CRYBA2: variants seen among roughly 807,000 people sequenced by gnomAD.
CRYBA2 encodes beta-crystallin A2.
Under a neutral mutation model 18.5 loss-of-function variants are expected in CRYBA2, and 17 were observed. The observed-to-expected ratio is 0.92, with a 90% confidence interval of 0.63 to 1.38. The LOEUF is 1.38. Ranked by LOEUF, CRYBA2 falls within the 40% of genes most tolerant of loss-of-function variation. CRYBA2 has a pLI of 0.00. For synonymous variants in CRYBA2, 101 were observed against 106.2 expected (o/e 0.95, Z 0.30); for missense variants, 271 against 265.0 (o/e 1.02, Z -0.16).
At position 218,992,097 on chromosome 2, in the gene CRYBA2, C is replaced by T. The variant is rs1304263388; in HGVS notation, c.303+5G>A. 3 of 1,610,536 alleles carry T rather than the reference C, an allele frequency of 1.9e-6. No individual in the cohort carries two copies. The highest frequency in any genetic ancestry group is 1.7e-6 in the Non-Finnish European group (2 of 1,178,458). On this transcript the variant is annotated splice_donor_5th_base_variant and intron_variant, in intron 2 of 3. Transcript: ENST00000295728. ...GGCAGGGGAGGAGAAGTGGGCTGTGCTCACCGCGCAGAGCACTGGCCGGAA... is the reference window on the plus strand; with the variant it reads ...GGCAGGGGAGGAGAAGTGGGCTGTGTTCACCGCGCAGAGCACTGGCCGGAA...
rs781162289 is a variant in CRYBA2 at position 218,990,314 on chromosome 2, C to T, written c.532G>A (p.Gly178Ser). The change falls in exon 4 of 4, where the codon GGT becomes AGT. Residue 178 changes from glycine (G) to serine (S), a missense_variant. Transcript: ENST00000295728. ...GTGTGGGCCTGTGTGCCGAGCTCAC[C>T]GTAAGTACAGAACTCTCCGCTGTGC... ...DRHSGEFCTYGELGTQAHTGQ... is the reference protein window; with the variant it reads ...DRHSGEFCTYSELGTQAHTGQ... 23 of 1,614,034 alleles carry T rather than the reference C, an allele frequency of 1.4e-5. No individual in the cohort carries two copies. Among genetic ancestry groups the T allele is most frequent in the Middle Eastern group, 1.6e-4 (1 of 6,082 alleles).
At position 218,990,861 on chromosome 2, in the gene CRYBA2, C is replaced by G. The variant is rs1945488645; in HGVS notation, c.437G>C (p.Ser146Thr). Residue 146 changes from serine (S) to threonine (T), a missense_variant, in exon 3 of 4, where the codon AGC becomes ACC. Transcript: ENST00000295728. Reference protein sequence around the residue: ...ASKDVGSLKVSSGAWVAYQYP... With the variant: ...ASKDVGSLKVTSGAWVAYQYP... ...CAGTTCCAGGACTCACGCTCCGGAG[C>G]TGACTTTGAGGGAACCCACATCCTT... 6.2e-7 allele frequency: 1 copy of G among 1,613,582 alleles called. No homozygotes were observed. The highest frequency in any genetic ancestry group is 1.3e-5 in the African/African-American group (1 of 74,918).
chr2:218,991,828 G>T (rs1945500581), intron 2 of CRYBA2: 2 of 448,120 alleles, frequency 4.5e-6, no homozygotes, highest in South Asian at 6.8e-5. Context: ...TCACTCACAC[G>T]TGTGGACGAT....
At position 218,992,250 on chromosome 2, in the gene CRYBA2, AAG is replaced by A. The variant is rs1945506695; in HGVS notation, c.162-9_162-8del. 6.2e-7 allele frequency: 1 copy of A among 1,612,738 alleles called. No homozygotes were observed. The highest frequency in any genetic ancestry group is 1.3e-5 in the African/African-American group (1 of 74,930). On this transcript the variant is annotated splice_region_variant and splice_polypyrimidine_tract_variant and intron_variant, in intron 1 of 3. Coordinates refer to ENST00000295728, the MANE Select transcript of CRYBA2 (RefSeq NM_057093.2). ...GTACTCAAAGGCCACCCAACTGGAA[AAG>A]GAGAAGAGCTGGGAGGTATCTGCCC...
chr2:218,990,833 T>TA lies in CRYBA2; in HGVS notation c.446+18_446+19insT, dbSNP rs780475316. 1 of 1,610,566 alleles carries TA rather than the reference T, an allele frequency of 6.2e-7. No homozygotes were observed. Among genetic ancestry groups the TA allele is most frequent in the Admixed American group, 1.7e-5 (1 of 59,912 alleles). On this transcript the variant is annotated intron_variant, in intron 3 of 3. Coordinates refer to ENST00000295728, the MANE Select transcript of CRYBA2 (RefSeq NM_057093.2). ...CCTCCCTGCTCTTCTGTCTCCCTGG[T>TA]TCCAGTTCCAGGACTCACGCTCCGG...
At position 218,991,275 on chromosome 2, in the gene CRYBA2, T is replaced by C. The variant is rs114650428; in HGVS notation, c.304-281A>G. 5.5e-3 allele frequency: 1,795 copies of C among 328,270 alleles called. 25 individuals are homozygous for C. Among genetic ancestry groups the C allele is most frequent in the African/African-American group, 0.033 (1,552 of 47,506 alleles). The allele number at this position is 328,270 out of a possible 1,614,324, so 20.3% of individuals were successfully genotyped here. A position where few individuals can be genotyped will look rare whatever the true frequency, so the allele number is the denominator to read the frequency against. ...TTTCAGGTCAGGACTAGAGAGCATC[T>C]TGTGACATGGGCCCATTTTGCAGGA... is the stretch of plus-strand genomic sequence containing the variant. On this transcript the variant is annotated intron_variant, in intron 2 of 3. Transcript: ENST00000295728.
intron 2 of CRYBA2, 199 bp from the exon 3 acceptor site, chr2:218,991,193 C>G: frequency 1.5e-6 from 1 of 669,014 alleles, no homozygotes; most frequent in Non-Finnish European, 2.4e-6. Context: ...CCGAACCTGG[C>G]CCCTCCCATG....
At position 218,990,972 on chromosome 2, in the gene CRYBA2, G is replaced by A. The variant is rs41272691; in HGVS notation, c.326C>T (p.Thr109Ile). Reference sequence around the variant, plus strand: ...TTGGAAGTTGTCCCCCTCAAACAGTGTCACACGGCTGTCATTGTGGTTCTG... The same window carrying A: ...TTGGAAGTTGTCCCCCTCAAACAGTATCACACGGCTGTCATTGTGGTTCTG... ...LCANHNDSRV[T>I]LFEGDNFQGC... Residue 109 changes from threonine (T) to isoleucine (I), a missense_variant, in exon 3 of 4, where the codon ACA (threonine) becomes ATA (isoleucine). Physicochemically the swap from Thr to Ile is moderately conservative, Grantham distance 89 (BLOSUM62 -1). Coordinates refer to ENST00000295728, the MANE Select transcript of CRYBA2 (RefSeq NM_057093.2). 20 of 1,614,052 alleles carry A rather than the reference G, an allele frequency of 1.2e-5. No individual in the cohort carries two copies. Among genetic ancestry groups the A allele is most frequent in the African/African-American group, 1.1e-4 (8 of 74,922 alleles).
At chr2:218,990,448 C>T in intron 3 of CRYBA2, 49 bp from the exon 4 acceptor site, 1 of 1,601,050 alleles carries the variant, frequency 6.2e-7, no homozygotes, top group Non-Finnish European at 8.5e-7. Context: ...GCCCCCACCC[C>T]CACCCTATGT....
chr2:218,993,393 A>G lies in CRYBA2; in HGVS notation c.-217T>C. 1.8e-6 allele frequency: 1 copy of G among 545,964 alleles called. No individual in the cohort carries two copies. The highest frequency in any genetic ancestry group is 2.5e-5 in the South Asian group (1 of 39,520). 33.8% of individuals were successfully genotyped at this position (545,964 alleles called of 1,614,324 possible). On this transcript the variant is annotated 5_prime_UTR_variant, in exon 1 of 4. Coordinates refer to ENST00000295728, the MANE Select transcript of CRYBA2 (RefSeq NM_057093.2). This position sits in a 1 kb window ranked among gnomAD's most constrained non-coding sequence, Gnocchi z 7.7. ...CATTCACCGGGTGGGTGAGCGCGGC[A>G]CGCGAGGGAAATGGACCGGCTGCGA... is the stretch of plus-strand genomic sequence containing the variant.
chr2:218,991,798 C>T, intron 2 of CRYBA2: 1 of 387,582 alleles, frequency 2.6e-6, no homozygotes. Flanking sequence ...CCTCACATGG[C>T]TGTGTGACGA....
At chr2:218,992,920 C>T in intron 1 of CRYBA2, 96 bp downstream of exon 1, 1 of 1,013,576 alleles carries the variant, frequency 9.9e-7, no homozygotes, top group Non-Finnish European at 1.5e-6. Flanking sequence ...CAGGTCTCTC[C>T]AGGGCTCACA....
intron 1 of CRYBA2, 115 bp from the exon 2 acceptor site, chr2:218,992,358 A>T: frequency 9.2e-7 from 1 of 1,087,348 alleles, no homozygotes; most frequent in Non-Finnish European, 1.3e-6. Context: ...CCAACCCCAA[A>T]CCCTTCCCCT....
rs186292327 is a variant in CRYBA2 at position 218,993,352 on chromosome 2, C to T, written c.-176G>A. ...GTCTTCCCGCGCTCCCCTCCCTTCCCCACCCCAGCAGAGGGCATTCACCGG... is the reference window on the plus strand; with the variant it reads ...GTCTTCCCGCGCTCCCCTCCCTTCCTCACCCCAGCAGAGGGCATTCACCGG... On this transcript the variant is annotated 5_prime_UTR_variant, in exon 1 of 4. Transcript: ENST00000295728. This position sits in a 1 kb window ranked among gnomAD's most constrained non-coding sequence, Gnocchi z 7.7. The T allele has an allele frequency of 2.0e-4, 126 of 615,226 alleles. No homozygotes were observed. The highest frequency in any genetic ancestry group is 2.0e-3 in the African/African-American group (105 of 52,278). The allele number at this position is 615,226 out of a possible 1,614,324, so 38.1% of individuals were successfully genotyped here.
At chr2:218,992,595 G>T (rs1439297687) in intron 1 of CRYBA2, among the ~76,000 whole-genome samples, 1 of 152,126 alleles carries the variant, frequency 6.6e-6, no homozygotes, top group Non-Finnish European at 1.5e-5. Context: ...CAGAAACTGG[G>T]ACCTCAGCTG....
rs777927118 is a variant in CRYBA2 at position 218,992,224 on chromosome 2, G to A, written c.181C>T (p.Pro61Ser). The change falls in exon 2 of 4, where the codon CCC becomes TCC. Residue 61 changes from proline (P) to serine (S), a missense_variant. Transcript: ENST00000295728. ...ATGAACTGCTGTCCCTGGAAGTCGG[G>A]GTACTCAAAGGCCACCCAACTGGAA... ...ENGVWVAFEY[P>S]DFQGQQFILE... The A allele has an allele frequency of 1.2e-6, 2 of 1,613,390 alleles. No homozygotes were observed. Among genetic ancestry groups the A allele is most frequent in the African/African-American group, 2.7e-5 (2 of 74,930 alleles).
Position 218,992,279 on chromosome 2 carries a change from A to G in CRYBA2, c.162-36T>C, listed in dbSNP as rs982719954. On this transcript the variant is annotated intron_variant, in intron 1 of 3. Coordinates refer to ENST00000295728, the MANE Select transcript of CRYBA2 (RefSeq NM_057093.2). ...AGAAGAGCTGGGAGGTATCTGCCCC[A>G]GCCGCACCCTCTCTGCCCTCCCCCT... 4 of 1,603,840 alleles carry G rather than the reference A, an allele frequency of 2.5e-6. No homozygotes were observed. The African/African-American group carries it at 5.4e-5, about 21-fold the overall frequency.
intron 2 of CRYBA2, chr2:218,991,505 C>T (rs1945497469): frequency 6.4e-6 from 1 of 155,516 alleles, no homozygotes; most frequent in Non-Finnish European, 1.4e-5. Context: ...CCGGCCTTCC[C>T]ACTGCAGGGT....
rs575625657 is a variant in CRYBA2, at chr2:218,991,168, C to A, written c.304-174G>T. 6 of 914,182 alleles carry A rather than the reference C, an allele frequency of 6.6e-6. No homozygotes were observed. The African/African-American group carries it at 1.0e-4, about 15-fold the overall frequency. The allele number at this position is 914,182 out of a possible 1,614,324, so 56.6% of individuals were successfully genotyped here. A position where few individuals can be genotyped will look rare whatever the true frequency, so the allele number is the denominator to read the frequency against. On this transcript the variant is annotated intron_variant, in intron 2 of 3. Coordinates refer to ENST00000295728, the MANE Select transcript of CRYBA2 (RefSeq NM_057093.2). The stretch of plus-strand genomic sequence containing the variant: ...CTCCCTGGCAGTCTGGGAAATGGAT[C>A]GCTCAGAGGTTCCCCCGAACCTGGC...
Sources: allele counts gnomAD v4.1 joint callset (sites outside exome capture counted in the v4.1 genomes callset), GRCh38; gene constraint gnomAD v4.1.1; non-coding constraint Gnocchi (gnomAD v3.1); transcripts MANE v1.5; gene names NCBI Gene and HGNC (gene_info 2026-07-23, HGNC 2026-07-21).